The following CSMD3 variants were observed in gnomAD, a reference collection of about 807,000 sequenced individuals.
The protein encoded by CSMD3 is CUB and Sushi multiple domains 3.
In CSMD3, 177 loss-of-function variants were observed where a neutral mutation model predicts 435.2. The observed-to-expected ratio is 0.41, with a 90% CI of 0.36 to 0.46. The LOEUF (loss-of-function observed/expected upper bound fraction) is 0.46, where lower values mean the gene tolerates loss of function less well. CSMD3 is among the 20% of genes least tolerant of loss of function. The pLI is 0.34. For synonymous variants in CSMD3, 1,656 were observed against 1,520.5 expected, an observed-to-expected ratio of 1.09 and a Z score of -2.07; for missense variants, 4,265 against 4,504.6, an observed-to-expected ratio of 0.95 and a Z score of 1.52.
In CSMD3 at chr8:112,408,961, G is replaced by A. The variant is rs760272841; in HGVS notation, c.5467C>T (p.Gln1823Ter). Reference sequence around the variant, plus strand: ...AGGGAAGATAACAGAGAAGATTGCTGAGTTGGCCCATCATACACCTCAACA... The same window carrying A: ...AGGGAAGATAACAGAGAAGATTGCTAAGTTGGCCCATCATACACCTCAACA... The part of the protein sequence containing the change: ...DVVEVYDGPT[Q>*]QSSLLSSLSG... Residue 1823 changes from glutamine (Q) to a stop codon, truncating the protein, a stop_gained, in exon 33 of 71, where the codon CAG becomes TAG. Coordinates refer to ENST00000297405, the MANE Select transcript of CSMD3 (RefSeq NM_198123.2). LOFTEE classifies it high-confidence loss of function. 6.2e-7 allele frequency: 1 copy of A among 1,613,612 alleles called. No homozygotes were observed. Among genetic ancestry groups the A allele is most frequent in the South Asian group, 1.1e-5 (1 of 91,072 alleles).
At chr8:113,399,106 T>TATATATATATATATACACAC (rs773585004) in intron 1 of CSMD3, among the ~76,000 whole-genome samples, 82 of 95,034 alleles carry the variant, frequency 8.6e-4, no homozygotes, top group Non-Finnish European at 9.4e-4. Flanking sequence ...TATATATATA[T>TATATATATATATATACACAC]ACACACACAC....
rs1017079627 is a variant in CSMD3 at position 112,408,792 on chromosome 8, A to G, written c.5509+127T>C. 5 of 1,461,392 alleles carry G rather than the reference A, an allele frequency of 3.4e-6. No homozygotes were observed. The African/African-American group carries it at 7.1e-5, about 21-fold the overall frequency. The allele number at this position is 1,461,392 out of a possible 1,614,324, so 90.5% of individuals were successfully genotyped here. On this transcript the variant is annotated intron_variant, in intron 33 of 70. Transcript: ENST00000297405. ...TGTTTCTATTCTTTAGAAAAAAAAA[A>G]GGTGACACTATTTTCAGTTTGCTTT...
At chr8:112,538,343 C>A (rs1486998684) in intron 27 of CSMD3, among the ~76,000 whole-genome samples, 3 of 151,906 alleles carry the variant, frequency 2.0e-5, no homozygotes, top group African/African-American at 7.2e-5. Flanking sequence ...TACTAAAAGT[C>A]CTGCCCAGAT....
intron 17 of CSMD3, among the ~76,000 whole-genome samples, chr8:112,662,063 G>A (rs1390697272): frequency 6.6e-6 from 1 of 152,048 alleles, no homozygotes; most frequent in Non-Finnish European, 1.5e-5. Flanking sequence ...TCATGGGTAG[G>A]AAGAATCAAT....
intron 12 of CSMD3, among the ~76,000 whole-genome samples, chr8:112,829,325 A>C (rs1170538755): frequency 6.6e-6 from 1 of 152,180 alleles, no homozygotes; most frequent in East Asian, 1.9e-4. Context: ...TTGTGATGCA[A>C]AAAGACCCTA....
chr8:112,484,668 T>C (rs1367314688), intron 31 of CSMD3, among the ~76,000 whole-genome samples: 1 of 152,070 alleles, frequency 6.6e-6, no homozygotes, highest in Non-Finnish European at 1.5e-5. Flanking sequence ...GGTTTAAATA[T>C]GAACCCCAAG....
At chr8:112,722,295 TA>T (rs1295498644) in intron 13 of CSMD3, among the ~76,000 whole-genome samples, 3 of 151,496 alleles carry the variant, frequency 2.0e-5, no homozygotes, top group African/African-American at 7.3e-5. Flanking sequence ...TTAGGTTTTT[TA>T]AAAAAAAAGG....
intron 38 of CSMD3, among the ~76,000 whole-genome samples, chr8:112,378,791 A>G (rs530461233): frequency 1.3e-5 from 2 of 152,116 alleles, no homozygotes; most frequent in South Asian, 4.1e-4. Context: ...AAATAATGAG[A>G]AGAAAGATTT....
intron 10 of CSMD3, among the ~76,000 whole-genome samples, chr8:112,865,500 G>T (rs1434719479): frequency 6.6e-6 from 1 of 151,968 alleles, no homozygotes; most frequent in Non-Finnish European, 1.5e-5. Flanking sequence ...TGTAAATTCT[G>T]TAAAGCTCTT....
At chr8:112,757,769 T>C (rs2077734844) in intron 13 of CSMD3, among the ~76,000 whole-genome samples, 1 of 152,074 alleles carries the variant, frequency 6.6e-6, no homozygotes, top group Non-Finnish European at 1.5e-5. Flanking sequence ...TATATAATTT[T>C]TAGGCCAGGC....
intron 57 of CSMD3, among the ~76,000 whole-genome samples, chr8:112,287,845 A>C (rs1010003738): frequency 8.5e-5 from 13 of 152,178 alleles, no homozygotes; most frequent in Admixed American, 2.0e-4. Context: ...AAAAGACCAA[A>C]ATTTAGAAAC....
chr8:112,657,221 C>T (rs959960200), intron 17 of CSMD3, among the ~76,000 whole-genome samples: 1 of 151,994 alleles, frequency 6.6e-6, no homozygotes, highest in Admixed American at 6.5e-5. Flanking sequence ...TGCCACCACG[C>T]CTGGCGGATT....
intron 13 of CSMD3, among the ~76,000 whole-genome samples, chr8:112,794,941 C>T (rs1386381320): frequency 6.6e-6 from 1 of 151,358 alleles, no homozygotes; most frequent in Non-Finnish European, 1.5e-5. Flanking sequence ...TATAAGTGAC[C>T]AGCATTAATT....
At position 112,492,507 on chromosome 8, in the gene CSMD3, C is replaced by G. The variant is rs2130852259; in HGVS notation, c.5260G>C (p.Ala1754Pro). The change falls in exon 31 of 71, where the codon GCC becomes CCC. Residue 1754 changes from alanine to proline, a missense_variant. This residue lies in a region of CSMD3 where 3,255 missense variants were observed against 3,380.2 expected (regional missense o/e 0.96). Transcript: ENST00000297405. ...TCCTTACCATGACAACTTGGCAAGGCTCTATTCCATCCAGGTCTTCCATCA... is the reference window on the plus strand; with the variant it reads ...TCCTTACCATGACAACTTGGCAAGGGTCTATTCCATCCAGGTCTTCCATCA... Reference protein sequence around the residue: ...GDDGRPGWNRALPSCHAPCGS... With the variant: ...GDDGRPGWNRPLPSCHAPCGS... 1 of 1,613,872 alleles carries G rather than the reference C, an allele frequency of 6.2e-7. No individual in the cohort carries two copies. The highest frequency in any genetic ancestry group is 2.2e-5 in the East Asian group (1 of 44,844).
At chr8:113,303,780 T>C (rs1432293986) in intron 2 of CSMD3, among the ~76,000 whole-genome samples, 7 of 139,202 alleles carry the variant, frequency 5.0e-5, no homozygotes, top group Admixed American at 4.7e-4. Context: ...ATTAAAGATT[T>C]AAACGTTAGA....
intron 3 of CSMD3, among the ~76,000 whole-genome samples, chr8:113,234,204 A>G (rs2093122384): frequency 6.6e-6 from 1 of 152,126 alleles, no homozygotes; most frequent in South Asian, 2.1e-4. Flanking sequence ...TCATTTTCAC[A>G]TCTTGGCTCC....
intron 12 of CSMD3, among the ~76,000 whole-genome samples, chr8:112,825,262 G>A (rs1044771794): frequency 3.3e-5 from 5 of 152,174 alleles, no homozygotes; most frequent in Middle Eastern, 3.4e-3. Flanking sequence ...TGCTCCTTTA[G>A]CTCAGCAGTT....
chr8:113,085,637 T>C (rs528391874), intron 5 of CSMD3, among the ~76,000 whole-genome samples: 4 of 152,250 alleles, frequency 2.6e-5, no homozygotes, highest in African/African-American at 7.2e-5. Context: ...GCAACATGTA[T>C]GAACCTAAAG....
intron 22 of CSMD3, among the ~76,000 whole-genome samples, chr8:112,597,668 C>T (rs1831869330): frequency 7.6e-6 from 1 of 132,382 alleles, no homozygotes; most frequent in Non-Finnish European, 1.6e-5. Flanking sequence ...GCTTATCCAC[C>T]ATGATCAAGT....
Sources: allele counts gnomAD v4.1 joint callset (sites outside exome capture counted in the v4.1 genomes callset), GRCh38; gene constraint gnomAD v4.1.1; regional missense constraint gnomAD v4.1.1; transcripts MANE v1.5; gene names NCBI Gene and HGNC (gene_info 2026-07-23, HGNC 2026-07-21).